The following COL23A1 variants were observed in gnomAD, a reference collection of about 807,000 sequenced individuals.
COL23A1 encodes the protein collagen type XXIII alpha 1 chain.
A neutral mutation model predicts 99.3 loss-of-function variants in COL23A1; 97 were observed. That is an observed-to-expected ratio of 0.98 (90% CI 0.83 to 1.16). COL23A1 has a LOEUF of 1.16. Among genes scored for constraint, COL23A1 ranks in the 50% most tolerant of loss-of-function variants. COL23A1 has a pLI of 0.00. For synonymous variants in COL23A1, 320 were observed against 308.2 expected, an observed-to-expected ratio of 1.04 and a Z score of -0.40; for missense variants, 762 against 757.4, an observed-to-expected ratio of 1.01 and a Z score of -0.07.
chr5:178,484,444 T>A lies in COL23A1; in HGVS notation c.361+76238A>T, dbSNP rs13358951. 9.9e-3 allele frequency among the ~76,000 whole-genome samples: 1,514 copies of A among 152,254 alleles called. 29 individuals are homozygous for A. Among genetic ancestry groups the A allele is most frequent in the African/African-American group, 0.034 (1,423 of 41,554 alleles). ...AGTTAGCTGTCCCCTCATCCTAGGA[T>A]CCTCATGCAAGAGACCACTAGCAGT... On this transcript the variant is annotated intron_variant, in intron 2 of 28. Transcript: ENST00000390654.
chr5:178,372,890 T>G (rs1762871768), intron 2 of COL23A1, among the ~76,000 whole-genome samples: 1 of 150,754 alleles, frequency 6.6e-6, no homozygotes. Flanking sequence ...GCTTCAGAGA[T>G]TTCTCTTTCT....
intron 2 of COL23A1, among the ~76,000 whole-genome samples, chr5:178,332,541 AT>A (rs1760089805): frequency 6.6e-6 from 1 of 152,280 alleles, no homozygotes; most frequent in African/African-American, 2.4e-5. Context: ...GTCTGCAACT[AT>A]AAATCCTGAG....
chr5:178,497,513 T>C (rs951902530), intron 2 of COL23A1, among the ~76,000 whole-genome samples: 1 of 152,198 alleles, frequency 6.6e-6, no homozygotes, highest in Non-Finnish European at 1.5e-5. Flanking sequence ...CAAGGCCCTG[T>C]GGATGAGAGT....
intron 2 of COL23A1, among the ~76,000 whole-genome samples, chr5:178,546,321 A>G (rs931650222): frequency 5.3e-5 from 8 of 152,114 alleles, no homozygotes; most frequent in Non-Finnish European, 1.5e-5. Context: ...CATCCTTCCC[A>G]AGCCTCAATC....
At chr5:178,581,229 C>T (rs193149717) in intron 1 of COL23A1, among the ~76,000 whole-genome samples, 1 of 152,268 alleles carries the variant, frequency 6.6e-6, no homozygotes, top group African/African-American at 2.4e-5. Flanking sequence ...CTTCCGAATA[C>T]CACAGGAGGA....
intron 2 of COL23A1, among the ~76,000 whole-genome samples, chr5:178,357,637 C>G (rs1481185892): frequency 6.6e-6 from 1 of 152,172 alleles, no homozygotes; most frequent in Non-Finnish European, 1.5e-5. Flanking sequence ...ATGTTTGTCC[C>G]AAATATAAAG....
chr5:178,570,914 C>G (rs1763060561), intron 1 of COL23A1, among the ~76,000 whole-genome samples: 1 of 152,058 alleles, frequency 6.6e-6, no homozygotes, highest in Non-Finnish European at 1.5e-5. Context: ...GGCAGAGGGC[C>G]TAATCAGCCC....
chr5:178,358,029 C>CGTATGCGTATGT lies in COL23A1; in HGVS notation c.362-51111_362-51110insACATACGCATAC. Reference sequence around the variant, plus strand: ...GTATGTGTGTGTATGTGTGTGTATGCGTATGTGTATGTGTATGTATGTCTA... The same window carrying CGTATGCGTATGT: ...GTATGTGTGTGTATGTGTGTGTATGCGTATGCGTATGTGTATGTGTATGTGTATGTATGTCTA... On this transcript the variant is annotated intron_variant, in intron 2 of 28. Transcript: ENST00000390654. Among the ~76,000 whole-genome samples, 2 of 108,028 alleles carry CGTATGCGTATGT rather than the reference C, an allele frequency of 1.9e-5. 1 individual carries two copies. The highest frequency in any genetic ancestry group is 6.4e-4 in the South Asian group (2 of 3,116). The allele number at this position is 108,028 out of a possible 152,430, so 70.9% of individuals were successfully genotyped here. A position where few individuals can be genotyped will look rare whatever the true frequency, so the allele number is the denominator to read the frequency against.
chr5:178,500,936 C>G (rs545757979), intron 2 of COL23A1, among the ~76,000 whole-genome samples: 1 of 151,898 alleles, frequency 6.6e-6, no homozygotes, highest in South Asian at 2.1e-4. Flanking sequence ...TCACAAACTG[C>G]GAAATATTTT....
chr5:178,258,857 G>C lies in COL23A1; in HGVS notation c.729+864C>G, dbSNP rs147664685. On this transcript the variant is annotated intron_variant, in intron 12 of 28. Transcript: ENST00000390654. Reference sequence around the variant, plus strand: ...CTACAGATGCATGCCACTGCACCTGGCTAATATTTTTGATTTTTAGTAGAG... The same window carrying C: ...CTACAGATGCATGCCACTGCACCTGCCTAATATTTTTGATTTTTAGTAGAG... 2.8e-3 allele frequency among the ~76,000 whole-genome samples: 418 copies of C among 151,562 alleles called. 1 individual carries two copies. The highest frequency in any genetic ancestry group is 5.8e-3 in the Admixed American group (89 of 15,236).
intron 17 of COL23A1, among the ~76,000 whole-genome samples, chr5:178,250,756 G>A (rs920667447): frequency 1.3e-5 from 2 of 152,016 alleles, no homozygotes; most frequent in African/African-American, 4.8e-5. Flanking sequence ...GCTGAGGTGG[G>A]TGGATCACCT....
intron 5 of COL23A1, among the ~76,000 whole-genome samples, chr5:178,270,672 G>T (rs887253185): frequency 6.6e-6 from 1 of 152,210 alleles, no homozygotes; most frequent in Admixed American, 6.5e-5. Context: ...GGGTGACGGG[G>T]TCAGCGATGA....
intron 2 of COL23A1, among the ~76,000 whole-genome samples, chr5:178,402,353 T>A (rs1764496743): frequency 6.6e-6 from 1 of 152,038 alleles, no homozygotes; most frequent in African/African-American, 2.4e-5. Context: ...AAAACATATT[T>A]GGAGCCAAAA....
chr5:178,326,805 T>C (rs886145946), intron 2 of COL23A1, among the ~76,000 whole-genome samples: 5 of 152,192 alleles, frequency 3.3e-5, no homozygotes, highest in South Asian at 2.1e-4. Flanking sequence ...CTGCAACCTC[T>C]GCCTCCTGGG....
At chr5:178,367,585 G>A (rs1322600050) in intron 2 of COL23A1, among the ~76,000 whole-genome samples, 2 of 152,168 alleles carry the variant, frequency 1.3e-5, no homozygotes, top group Non-Finnish European at 2.9e-5. Flanking sequence ...TACGAGCCGG[G>A]AGCCCTGACA....
At chr5:178,518,816 G>C in intron 2 of COL23A1, among the ~76,000 whole-genome samples, 1 of 149,026 alleles carries the variant, frequency 6.7e-6, no homozygotes, top group Non-Finnish European at 1.5e-5. Context: ...CTCGGGCCCC[G>C]CGGGGCCCGT....
chr5:178,372,619 C>A (rs1762858088), intron 2 of COL23A1, among the ~76,000 whole-genome samples: 1 of 152,204 alleles, frequency 6.6e-6, no homozygotes, highest in African/African-American at 2.4e-5. Context: ...ATTGGCCAGG[C>A]TGGAGTGCAG....
chr5:178,528,653 A>G (rs1417374777), intron 2 of COL23A1, among the ~76,000 whole-genome samples: 2 of 152,330 alleles, frequency 1.3e-5, no homozygotes, highest in South Asian at 2.1e-4. Flanking sequence ...TCTACTAAAA[A>G]TACAAAATTA....
Position 178,559,302 on chromosome 5 carries a change from G to A in COL23A1, c.361+1380C>T, listed in dbSNP as rs575263591. Among the ~76,000 whole-genome samples, 4 of 152,352 alleles carry A rather than the reference G, an allele frequency of 2.6e-5. No homozygotes were observed. The South Asian group carries it at 6.2e-4, about 24-fold the overall frequency. ...CCCAACCCTGGGATGTTTTCAGTGA[G>A]TTTGGTTTCCGGACACTTGGCTAAT... On this transcript the variant is annotated intron_variant, in intron 2 of 28. Coordinates refer to ENST00000390654, the MANE Select transcript of COL23A1 (RefSeq NM_173465.4).
Sources: allele counts gnomAD v4.1 joint callset (sites outside exome capture counted in the v4.1 genomes callset), GRCh38; gene constraint gnomAD v4.1.1; transcripts MANE v1.5; gene names NCBI Gene and HGNC (gene_info 2026-07-23, HGNC 2026-07-21).